SRRM4: variants seen among roughly 807,000 people sequenced by gnomAD.
SRRM4 encodes the protein serine/arginine repetitive matrix protein 4.
In SRRM4, 33 loss-of-function variants were observed where a neutral mutation model predicts 68.9. The observed-to-expected ratio is 0.48, with a 90% CI of 0.36 to 0.64. SRRM4 has a LOEUF of 0.64. Among genes scored for constraint, SRRM4 ranks in the 30% least tolerant of loss-of-function variants. The pLI is 0.00. For missense variants in SRRM4, 817 were observed against 827.1 expected (o/e 0.99, Z 0.15); for synonymous variants, 318 against 318.8 (o/e 1.00, Z 0.03).
chr12:119,114,662 T>C (rs1366285400), intron 3 of SRRM4, among the ~76,000 whole-genome samples: 1 of 49,704 alleles, frequency 2.0e-5, no homozygotes, highest in African/African-American at 4.2e-5. Context: ...AGCATAGTCT[T>C]TTTTTTTTTT....
chr12:119,017,154 T>C (rs1953486856), intron 1 of SRRM4, among the ~76,000 whole-genome samples: 2 of 152,250 alleles, frequency 1.3e-5, no homozygotes, highest in Non-Finnish European at 2.9e-5. Context: ...ATTCCATTTT[T>C]AATCTCCAGC....
At chr12:119,108,235 C>A (rs140600566) in intron 2 of SRRM4, among the ~76,000 whole-genome samples, 2,542 of 152,248 alleles carry the variant, frequency 0.017, 71 homozygotes, top group African/African-American at 0.058. Context: ...TTACTTCCAA[C>A]TATGTGGTCA....
chr12:119,021,627 C>T (rs1241637393), intron 1 of SRRM4, among the ~76,000 whole-genome samples: 2 of 152,176 alleles, frequency 1.3e-5, no homozygotes, highest in Admixed American at 1.3e-4. Flanking sequence ...CTTTTGTCCC[C>T]TCCCACTAGG....
In SRRM4 at chr12:119,153,541, C is replaced by T; in HGVS notation, c.1283C>T (p.Ser428Phe). 1 of 1,564,722 alleles carries T rather than the reference C, an allele frequency of 6.4e-7. No individual in the cohort carries two copies. Among genetic ancestry groups the T allele is most frequent in the Non-Finnish European group, 8.7e-7 (1 of 1,154,804 alleles). Residue 428 changes from serine (S) to phenylalanine (F), a missense_variant and splice_region_variant, in exon 11 of 13, where the codon TCC (serine) becomes TTC (phenylalanine). Ser to Phe is a radical substitution (Grantham distance 155). Coordinates refer to ENST00000267260, the MANE Select transcript of SRRM4 (RefSeq NM_194286.4). ...QSRSTSSEKR[S>F]YSRSPSYSSK... ...AGAGGCTGTTACCTCTCCCCCAGGTCCTACTCCCGCTCTCCCAGCTATTCC... is the reference window on the plus strand; with the variant it reads ...AGAGGCTGTTACCTCTCCCCCAGGTTCTACTCCCGCTCTCCCAGCTATTCC...
In SRRM4 at chr12:119,084,157, T is replaced by C. The variant is rs139357911; in HGVS notation, c.132-18079T>C. Among the ~76,000 whole-genome samples, 63 of 152,288 alleles carry C rather than the reference T, an allele frequency of 4.1e-4. No individual in the cohort carries two copies. In the East Asian group the frequency reaches 0.012, roughly 28 times the overall value. On this transcript the variant is annotated intron_variant, in intron 1 of 12. Transcript: ENST00000267260. ...AGCAAGTCTGTGGCACAGCTGGAAT[T>C]TGAACCCAGCCCTCTGAGATCACAG...
intron 1 of SRRM4, among the ~76,000 whole-genome samples, chr12:119,037,768 A>G (rs1337532908): frequency 6.6e-6 from 1 of 152,204 alleles, no homozygotes; most frequent in Non-Finnish European, 1.5e-5. Flanking sequence ...GGCTGCTTCT[A>G]AGCAGTCAAG....
At chr12:119,029,854 A>G (rs1351544507) in intron 1 of SRRM4, among the ~76,000 whole-genome samples, 1 of 152,204 alleles carries the variant, frequency 6.6e-6, no homozygotes, top group Non-Finnish European at 1.5e-5. Context: ...GAGACACAGT[A>G]GGCAGACAGC....
chr12:119,150,750 T>C (rs74318787), intron 9 of SRRM4, among the ~76,000 whole-genome samples: 3,936 of 152,262 alleles, frequency 0.026, 192 homozygotes, highest in African/African-American at 0.09. Context: ...CTGATGACAT[T>C]CTAAAATACT....
intron 1 of SRRM4, among the ~76,000 whole-genome samples, chr12:118,995,898 A>C (rs1393976731): frequency 6.6e-6 from 1 of 152,176 alleles, no homozygotes; most frequent in East Asian, 1.9e-4. Flanking sequence ...CCTGTCAGTC[A>C]AGCAACAATT....
chr12:118,988,147 G>A (rs1953294210), intron 1 of SRRM4, among the ~76,000 whole-genome samples: 1 of 152,002 alleles, frequency 6.6e-6, no homozygotes, highest in South Asian at 2.1e-4. Context: ...ACAGCGAAGG[G>A]AGAGACCCTT....
At chr12:119,152,008 C>G (rs1345777063) in intron 10 of SRRM4, among the ~76,000 whole-genome samples, 1 of 152,120 alleles carries the variant, frequency 6.6e-6, no homozygotes, top group African/African-American at 2.4e-5. Context: ...GCCATTTTTG[C>G]ATTCTGCTAC....
chr12:119,045,866 C>T lies in SRRM4; in HGVS notation c.132-56370C>T, dbSNP rs545467630. Among the ~76,000 whole-genome samples the T allele has an allele frequency of 2.0e-5, 3 of 152,004 alleles. No homozygotes were observed. In the East Asian group the frequency reaches 5.9e-4, roughly 30 times the overall value. ...CAGCCTGGCCAATATGGTAAAACCC[C>T]ATCTGTACTAAAATACAAAAAATTA... On this transcript the variant is annotated intron_variant, in intron 1 of 12. Transcript: ENST00000267260.
At chr12:119,106,389 T>C (rs1043217393) in intron 2 of SRRM4, among the ~76,000 whole-genome samples, 10 of 152,132 alleles carry the variant, frequency 6.6e-5, no homozygotes, top group South Asian at 2.1e-4. Context: ...AATCTATAAA[T>C]TACCTTGGGC....
intron 1 of SRRM4, among the ~76,000 whole-genome samples, chr12:119,061,495 A>G (rs1953812185): frequency 6.6e-6 from 1 of 152,158 alleles, no homozygotes; most frequent in Non-Finnish European, 1.5e-5. Flanking sequence ...GTCCTTGCCT[A>G]TTGAACCTAC....
At position 119,153,691 on chromosome 12, in the gene SRRM4, A is replaced by G. The variant is rs781317551; in HGVS notation, c.1391+42A>G. On this transcript the variant is annotated intron_variant, in intron 11 of 12. Coordinates refer to ENST00000267260, the MANE Select transcript of SRRM4 (RefSeq NM_194286.4). Reference sequence around the variant, plus strand: ...TCAAACTAGGCCCGTCCTAGGCCCCACCCCTTTGCTCTGATCCTCCTCTCT... The same window carrying G: ...TCAAACTAGGCCCGTCCTAGGCCCCGCCCCTTTGCTCTGATCCTCCTCTCT... 5 of 1,421,482 alleles carry G rather than the reference A, an allele frequency of 3.5e-6. No homozygotes were observed. The South Asian group carries it at 4.9e-5, about 14-fold the overall frequency. 88.1% of individuals were successfully genotyped at this position (1,421,482 alleles called of 1,614,324 possible).
intron 1 of SRRM4, among the ~76,000 whole-genome samples, chr12:119,093,975 C>T (rs954362707): frequency 5.3e-5 from 8 of 152,138 alleles, no homozygotes; most frequent in East Asian, 1.9e-4. Flanking sequence ...GAGTTCAAAA[C>T]CCGGTCAGGT....
In SRRM4 at chr12:119,157,745, C is replaced by T. The variant is rs1458834089; in HGVS notation, c.*947C>T. 2 of 152,436 alleles carry T rather than the reference C, an allele frequency of 1.3e-5. No individual in the cohort carries two copies. The highest frequency in any genetic ancestry group is 2.9e-5 in the Non-Finnish European group (2 of 68,204). The allele number at this position is 152,436 out of a possible 1,614,324, so 9.4% of individuals were successfully genotyped here. A position where few individuals can be genotyped will look rare whatever the true frequency, so the allele number is the denominator to read the frequency against. ...CATGGCCAGTTGCCAGGCCCCAGCGCCAGCCAGTCTGGCCTTACCCTCCGG... is the reference window on the plus strand; with the variant it reads ...CATGGCCAGTTGCCAGGCCCCAGCGTCAGCCAGTCTGGCCTTACCCTCCGG... On this transcript the variant is annotated 3_prime_UTR_variant, in exon 13 of 13. Coordinates refer to ENST00000267260, the MANE Select transcript of SRRM4 (RefSeq NM_194286.4). The surrounding 1 kb of genome is among the most constrained non-coding windows in gnomAD (Gnocchi z 4.1).
At chr12:119,147,745 G>T (rs1954413184) in intron 9 of SRRM4, among the ~76,000 whole-genome samples, 1 of 152,196 alleles carries the variant, frequency 6.6e-6, no homozygotes, top group Admixed American at 6.5e-5. Flanking sequence ...CTCACTAGAT[G>T]CAGTTTTCCT....
At chr12:119,055,213 C>T (rs145681288) in intron 1 of SRRM4, among the ~76,000 whole-genome samples, 2 of 152,224 alleles carry the variant, frequency 1.3e-5, no homozygotes, top group African/African-American at 4.8e-5. Context: ...AGGGAACAGA[C>T]TGGAGTTTCG....
Sources: allele counts gnomAD v4.1 joint callset (sites outside exome capture counted in the v4.1 genomes callset), GRCh38; gene constraint gnomAD v4.1.1; non-coding constraint Gnocchi (gnomAD v3.1); transcripts MANE v1.5; gene names NCBI Gene and HGNC (gene_info 2026-07-23, HGNC 2026-07-21).